RAB23: variants seen among roughly 807,000 people sequenced by gnomAD.
The protein encoded by RAB23 is RAB23, member RAS oncogene family.
A neutral mutation model predicts 30.0 loss-of-function variants in RAB23; 15 were observed. The ratio of observed to expected loss-of-function variants is 0.50; its 90% confidence interval spans 0.33 to 0.77. RAB23 has a LOEUF of 0.77. Ranked by LOEUF, RAB23 falls within the 30% of genes least tolerant of loss-of-function variation. RAB23 has a pLI of 0.02. For synonymous variants in RAB23, 93 were observed against 94.0 expected (o/e 0.99, Z 0.06); for missense variants, 243 against 275.4 (o/e 0.88, Z 0.83).
chr6:57,209,824 C>T (rs1765583215), intron 2 of RAB23, among the ~76,000 whole-genome samples: 1 of 152,144 alleles, frequency 6.6e-6, no homozygotes, highest in South Asian at 2.1e-4. Context: ...AACTTCCATA[C>T]AGTCTTGCCT....
chr6:57,197,417 G>A (rs1278761110), intron 3 of RAB23, among the ~76,000 whole-genome samples: 1 of 152,112 alleles, frequency 6.6e-6, no homozygotes, highest in African/African-American at 2.4e-5. Flanking sequence ...ATTGATTCAG[G>A]TAGCATGGTG....
intron 1 of RAB23, among the ~76,000 whole-genome samples, chr6:57,213,310 T>C (rs896474576): frequency 3.9e-5 from 6 of 152,110 alleles, no homozygotes; most frequent in African/African-American, 1.4e-4. Context: ...GGCCTGGGAG[T>C]TGGGGACCCC....
intron 2 of RAB23, among the ~76,000 whole-genome samples, chr6:57,208,959 G>A (rs891478802): frequency 1.3e-5 from 2 of 152,042 alleles, no homozygotes; most frequent in Non-Finnish European, 2.9e-5. Flanking sequence ...ACTATAACTC[G>A]TGCCTGAACA....
In RAB23 at chr6:57,207,634, A is replaced by G. The variant is rs765870380; in HGVS notation, c.235T>C (p.Tyr79His). The G allele has an allele frequency of 3.8e-6, 6 of 1,590,464 alleles. No individual in the cohort carries two copies. Among genetic ancestry groups the G allele is most frequent in the Non-Finnish European group, 5.2e-6 (6 of 1,158,670 alleles). ...EEFDAITKAY[Y>H]RGAQACVLVF... ...AATAAATCCTGTGTTTTACCTCGAT[A>G]GTAGGCCTTTGTAATTGCATCAAAT... The change falls in exon 3 of 7, where the codon TAT becomes CAT. Residue 79 changes from tyrosine to histidine, a missense_variant. Physicochemically the swap from Tyr to His is moderately conservative, Grantham distance 83. Transcript: ENST00000468148.
chr6:57,193,711 C>G (rs1337776214), intron 6 of RAB23, 131 bp downstream of exon 6: 1 of 1,281,622 alleles, frequency 7.8e-7, no homozygotes, highest in Non-Finnish European at 1.1e-6. Context: ...AACAAGAGAC[C>G]TGATACTTAA....
chr6:57,210,107 A>G, intron 2 of RAB23, 119 bp downstream of exon 2: 1 of 1,036,390 alleles, frequency 9.6e-7, no homozygotes, highest in Non-Finnish European at 1.5e-6. Context: ...CTGTCGCATG[A>G]GCATTGCCAC....
rs1764634824 is a variant in RAB23, at chr6:57,187,202, CT to C, written c.*3258del. On this transcript the variant is annotated 3_prime_UTR_variant, in exon 7 of 7. Transcript: ENST00000468148. ...TTTTCCTTTTATCCCCAATTTTTTGCTTTTAAAAGACCATTTACTAACATCC... is the reference window on the plus strand; with the variant it reads ...TTTTCCTTTTATCCCCAATTTTTTGCTTTAAAAGACCATTTACTAACATCC... The C allele has an allele frequency of 6.6e-6, 1 of 151,942 alleles. No homozygotes were observed. Among genetic ancestry groups the C allele is most frequent in the Admixed American group, 6.6e-5 (1 of 15,258 alleles). The allele number at this position is 151,942 out of a possible 1,614,324, so 9.4% of individuals were successfully genotyped here. A position where few individuals can be genotyped will look rare whatever the true frequency, so the allele number is the denominator to read the frequency against.
At chr6:57,194,463 A>T (rs1468686532) in intron 5 of RAB23, among the ~76,000 whole-genome samples, 1 of 152,144 alleles carries the variant, frequency 6.6e-6, no homozygotes. Flanking sequence ...ATGGAGTTCT[A>T]AAACAACTGA....
chr6:57,218,776 C>T (rs550214581), intron 1 of RAB23, among the ~76,000 whole-genome samples: 9 of 151,334 alleles, frequency 5.9e-5, no homozygotes, highest in South Asian at 2.1e-4. Flanking sequence ...TGCTTGAACC[C>T]GGGAGGCAGA....
intron 1 of RAB23, among the ~76,000 whole-genome samples, chr6:57,220,822 G>T (rs1766028310): frequency 6.6e-6 from 1 of 151,536 alleles, no homozygotes; most frequent in Non-Finnish European, 1.5e-5. Context: ...TCGCAGAACT[G>T]TACATCGAAA....
intron 3 of RAB23, among the ~76,000 whole-genome samples, chr6:57,206,446 T>C (rs1765458803): frequency 6.6e-6 from 1 of 151,772 alleles, no homozygotes; most frequent in Non-Finnish European, 1.5e-5. Flanking sequence ...AACAAGGAAA[T>C]GAGCAACAGG....
chr6:57,194,504 C>CA (rs1314927240), intron 5 of RAB23, among the ~76,000 whole-genome samples: 3 of 152,110 alleles, frequency 2.0e-5, no homozygotes, highest in African/African-American at 7.2e-5. Context: ...ATCAAAACCA[C>CA]ATATGCATAT....
At chr6:57,212,349 C>A (rs1466062011) in intron 1 of RAB23, among the ~76,000 whole-genome samples, 2 of 152,018 alleles carry the variant, frequency 1.3e-5, no homozygotes, top group Non-Finnish European at 2.9e-5. Flanking sequence ...CTCTTTCCAC[C>A]CCATCTTTCT....
chr6:57,198,894 A>G (rs1765130453), intron 3 of RAB23, among the ~76,000 whole-genome samples: 1 of 152,198 alleles, frequency 6.6e-6, no homozygotes, highest in Non-Finnish European at 1.5e-5. Context: ...ACGGGCAGTA[A>G]GAATGATTAA....
chr6:57,192,417 A>T (rs1764873486), intron 6 of RAB23, among the ~76,000 whole-genome samples: 1 of 152,252 alleles, frequency 6.6e-6, no homozygotes, highest in Non-Finnish European at 1.5e-5. Flanking sequence ...TAATAAGACA[A>T]GACAGTAAAC....
At chr6:57,216,828 C>T (rs747597780) in intron 1 of RAB23, among the ~76,000 whole-genome samples, 11 of 137,846 alleles carry the variant, frequency 8.0e-5, no homozygotes, top group African/African-American at 1.7e-4. Flanking sequence ...AACTTCCAGA[C>T]GTTGCCGCGG....
rs531818537 is a variant in RAB23 at position 57,210,844 on chromosome 6, T to C, written c.-65-399A>G. Among the ~76,000 whole-genome samples the C allele has an allele frequency of 4.6e-5, 7 of 152,318 alleles. No homozygotes were observed. The South Asian group carries it at 8.3e-4, about 18-fold the overall frequency. On this transcript the variant is annotated intron_variant, in intron 1 of 6. Transcript: ENST00000468148. ...ATCTCATACGGTTATTGATCAATGA[T>C]ACACATAAAGCACTTAGCATAGTGA...
At position 57,218,872 on chromosome 6, in the gene RAB23, A is replaced by AAAAAAAGC. The variant is rs1765948932; in HGVS notation, c.-66+2846_-66+2853dup. 5.9e-5 allele frequency among the ~76,000 whole-genome samples: 9 copies of AAAAAAAGC among 152,122 alleles called. No homozygotes were observed. In the South Asian group the frequency reaches 1.9e-3, roughly 32 times the overall value. On this transcript the variant is annotated intron_variant, in intron 1 of 6. Coordinates refer to ENST00000468148, the MANE Select transcript of RAB23 (RefSeq NM_016277.5). ...CTGTCTCCAAAAAAAAAAAAAAGGAAAAAAAAGCATCTATAACATAAAACA... is the reference window on the plus strand; with the variant it reads ...CTGTCTCCAAAAAAAAAAAAAAGGAAAAAAAAGCAAAAAAGCATCTATAACATAAAACA...
intron 1 of RAB23, among the ~76,000 whole-genome samples, chr6:57,218,782 G>C (rs909220899): frequency 6.6e-6 from 1 of 151,834 alleles, no homozygotes; most frequent in East Asian, 1.9e-4. Context: ...AACCCGGGAG[G>C]CAGAGGTTGC....
Sources: allele counts gnomAD v4.1 joint callset (sites outside exome capture counted in the v4.1 genomes callset), GRCh38; gene constraint gnomAD v4.1.1; transcripts MANE v1.5; gene names NCBI Gene and HGNC (gene_info 2026-07-23, HGNC 2026-07-21).